The following TPRA1 variants were observed in gnomAD, a reference collection of about 807,000 sequenced individuals.
TPRA1 encodes the protein transmembrane protein adipocyte associated 1.
In TPRA1, 28 loss-of-function variants were observed where a neutral mutation model predicts 40.1. The observed-to-expected ratio is 0.70, with a 90% CI of 0.52 to 0.96. The LOEUF is 0.96. Among genes scored for constraint, TPRA1 ranks in the 40% least tolerant of loss-of-function variants. The pLI, the probability that TPRA1 is intolerant of heterozygous loss-of-function variation, is 0.00. For synonymous variants in TPRA1, 219 were observed against 209.7 expected, an observed-to-expected ratio of 1.04 and a Z score of -0.38; for missense variants, 441 against 482.6, an observed-to-expected ratio of 0.91 and a Z score of 0.81.
At chr3:127,588,134 C>A (rs1002872857) in intron 1 of TPRA1, 3 of 152,406 alleles carry the variant, frequency 2.0e-5, no homozygotes, top group Admixed American at 2.0e-4. Context: ...TTGCCAGGTG[C>A]CCCTCTCCAG....
chr3:127,582,595 G>C (rs1180661464), intron 1 of TPRA1, among the ~76,000 whole-genome samples: 4 of 151,858 alleles, frequency 2.6e-5, no homozygotes, highest in Admixed American at 6.6e-5. Flanking sequence ...CCAGCTACTT[G>C]GAAGGCTGAG....
upstream of TPRA1, chr3:127,594,894 T>C (rs2074226864): frequency 6.6e-6 from 1 of 152,402 alleles, no homozygotes; most frequent in Admixed American, 6.5e-5. Context: ...TCCTCGGCGA[T>C]GTCCTGAAGC....
chr3:127,581,693 G>A (rs1048148226), intron 1 of TPRA1, among the ~76,000 whole-genome samples: 17 of 151,380 alleles, frequency 1.1e-4, no homozygotes, highest in Non-Finnish European at 1.8e-4. Flanking sequence ...CGGGCAGATT[G>A]CCTGAGCTCA....
chr3:127,592,124 G>T (rs992723354), upstream of TPRA1, among the ~76,000 whole-genome samples: 2 of 152,162 alleles, frequency 1.3e-5, no homozygotes, highest in South Asian at 4.1e-4. Flanking sequence ...GAGCCGTGGG[G>T]AATCCAGTGG....
At chr3:127,579,530 T>C (rs115142738) in intron 3 of TPRA1, among the ~76,000 whole-genome samples, 1,981 of 152,276 alleles carry the variant, frequency 0.013, 36 homozygotes, top group African/African-American at 0.042. Flanking sequence ...TAGCTCAAAG[T>C]TGCTCCTGGC....
In TPRA1 at chr3:127,576,057, G is replaced by A; in HGVS notation, c.499-7C>T. On this transcript the variant is annotated splice_polypyrimidine_tract_variant and splice_region_variant and intron_variant, in intron 6 of 10. Transcript: ENST00000355552. The surrounding 1 kb of genome is among the most constrained non-coding windows in gnomAD (Gnocchi z 4.6). ...ACAGGATCTCCAGGGTCCCCTGCAG[G>A]GGCAAGCAGGAAGGGAGGAAGGGAG... is the stretch of plus-strand genomic sequence containing the variant. The A allele has an allele frequency of 6.2e-7, 1 of 1,607,796 alleles. No homozygotes were observed. Among genetic ancestry groups the A allele is most frequent in the Non-Finnish European group, 8.5e-7 (1 of 1,174,650 alleles).
At position 127,573,693 on chromosome 3, in the gene TPRA1, C is replaced by T. The variant is rs137926537; in HGVS notation, c.950G>A (p.Arg317Gln). Residue 317 changes from arginine to glutamine, a missense_variant, in exon 11 of 11, where the codon CGG (arginine) becomes CAG (glutamine). Coordinates refer to ENST00000355552, the MANE Select transcript of TPRA1 (RefSeq NM_001136053.4). ...AGCCCCTGCAGCCTCCAGGCCCTCC[C>T]GCCGGGCCACAGCGTAGGGCTGGGG... ...HLPQPYAVARREGLEAAGAAG... is the reference protein window; with the variant it reads ...HLPQPYAVARQEGLEAAGAAG... 12 of 1,613,408 alleles carry T rather than the reference C, an allele frequency of 7.4e-6. No homozygotes were observed. The highest frequency in any genetic ancestry group is 1.0e-5 in the Non-Finnish European group (12 of 1,179,822).
At chr3:127,594,941 G>A (rs967165777), upstream of TPRA1, 8 of 152,384 alleles carry the variant, frequency 5.2e-5, no homozygotes, top group Admixed American at 5.2e-4. Flanking sequence ...GACCTGGGAA[G>A]AGCAAACCCC....
intron 1 of TPRA1, among the ~76,000 whole-genome samples, chr3:127,585,825 T>C (rs1327224992): frequency 6.6e-6 from 1 of 152,138 alleles, no homozygotes; most frequent in South Asian, 2.1e-4. Flanking sequence ...GGACCAGAAG[T>C]TGAGTCTCCA....
rs894543201 is a variant in TPRA1 at position 127,571,956 on chromosome 3, C to A, written c.*1565G>T. The A allele has an allele frequency of 2.0e-5, 3 of 152,194 alleles. No homozygotes were observed. The highest frequency in any genetic ancestry group is 7.2e-5 in the African/African-American group (3 of 41,456). 9.4% of individuals were successfully genotyped at this position (152,194 alleles called of 1,614,324 possible). A position where few individuals can be genotyped will look rare whatever the true frequency, so the allele number is the denominator to read the frequency against. On this transcript the variant is annotated 3_prime_UTR_variant, in exon 11 of 11. Coordinates refer to ENST00000355552, the MANE Select transcript of TPRA1 (RefSeq NM_001136053.4). Reference sequence around the variant, plus strand: ...CTGCATGTGGATCTGATGGTCAAATCCCTGCTGGCCCCAACCCTTACCCCG... The same window carrying A: ...CTGCATGTGGATCTGATGGTCAAATACCTGCTGGCCCCAACCCTTACCCCG...
At chr3:127,587,388 C>T (rs1032740931) in intron 1 of TPRA1, among the ~76,000 whole-genome samples, 1 of 152,126 alleles carries the variant, frequency 6.6e-6, no homozygotes, top group South Asian at 2.1e-4. Context: ...TTGGACTTTT[C>T]AGTTATAAAA....
At chr3:127,579,636 G>A in intron 3 of TPRA1, 104 bp downstream of exon 3, 1 of 1,304,058 alleles carries the variant, frequency 7.7e-7, no homozygotes, top group Non-Finnish European at 1.1e-6. Context: ...TTAACTGCCT[G>A]GATCCAGCCA....
chr3:127,579,661 T>G, intron 3 of TPRA1, 79 bp downstream of exon 3: 1 of 1,510,068 alleles, frequency 6.6e-7, no homozygotes, highest in Non-Finnish European at 9.1e-7. Context: ...TGAAGCTTAT[T>G]TTCATTATAG....
intron 1 of TPRA1, among the ~76,000 whole-genome samples, chr3:127,595,985 TGAA>T (rs1481288360): frequency 6.6e-6 from 1 of 152,136 alleles, no homozygotes; most frequent in Non-Finnish European, 1.5e-5. Context: ...TGAAAGACCT[TGAA>T]GAAGAGGCAC....
Position 127,576,103 on chromosome 3 carries a change from TC to T in TPRA1, c.499-54del, listed in dbSNP as rs1353022314. 9.8e-6 allele frequency: 14 copies of T among 1,427,816 alleles called. No individual in the cohort carries two copies. Among genetic ancestry groups the T allele is most frequent in the Non-Finnish European group, 1.4e-5 (14 of 1,020,086 alleles). The allele number at this position is 1,427,816 out of a possible 1,614,324, so 88.4% of individuals were successfully genotyped here. A position where few individuals can be genotyped will look rare whatever the true frequency, so the allele number is the denominator to read the frequency against. On this transcript the variant is annotated intron_variant, in intron 6 of 10. Transcript: ENST00000355552. The surrounding 1 kb of genome is among the most constrained non-coding windows in gnomAD (Gnocchi z 4.6). ...GGGAGAGGATCTCAAGGCTTCTCTC[TC>T]CCAGGGGCTTTCCCTGATGCAAAGC... is the stretch of plus-strand genomic sequence containing the variant.
At chr3:127,577,890 C>G (rs566065255) in intron 3 of TPRA1, among the ~76,000 whole-genome samples, 1 of 152,190 alleles carries the variant, frequency 6.6e-6, no homozygotes, top group Non-Finnish European at 1.5e-5. Flanking sequence ...GTGAGAGAGA[C>G]CCAGGATGTC....
intron 1 of TPRA1, among the ~76,000 whole-genome samples, chr3:127,597,677 A>G (rs2074258952): frequency 6.6e-6 from 1 of 152,208 alleles, no homozygotes; most frequent in African/African-American, 2.4e-5. Context: ...AAAGCCTCAG[A>G]TGTGACCTCC....
intron 1 of TPRA1, among the ~76,000 whole-genome samples, chr3:127,584,666 A>C (rs1183066152): frequency 6.6e-6 from 1 of 151,894 alleles, no homozygotes; most frequent in African/African-American, 2.4e-5. Context: ...CTTCCCTGCA[A>C]CTGGGTGTGG....
At chr3:127,581,069 C>T (rs1168297650) in intron 1 of TPRA1, among the ~76,000 whole-genome samples, 2 of 152,140 alleles carry the variant, frequency 1.3e-5, no homozygotes, top group Admixed American at 6.5e-5. Context: ...AGGGTCTGGT[C>T]GGAAAACCAA....
Sources: gnomAD v4.1 joint callset for allele counts (sites outside exome capture counted in the v4.1 genomes callset) on GRCh38, gnomAD v4.1.1 for gene constraint, Gnocchi (gnomAD v3.1) non-coding constraint, MANE v1.5 for transcripts, NCBI Gene and HGNC (gene_info 2026-07-23, HGNC 2026-07-21) for gene names.